Variants in NRAP observed in about 807,000 individuals in gnomAD.
NRAP encodes the protein nebulin-related-anchoring protein.
NRAP carries 189 observed loss-of-function variants against 225.9 expected under a neutral mutation model. The ratio of observed to expected loss-of-function variants is 0.84; its 90% CI spans 0.74 to 0.94. The LOEUF (loss-of-function observed/expected upper bound fraction) is 0.94. NRAP is among the 40% of genes least tolerant of loss of function. The pLI, the probability that NRAP is intolerant of heterozygous loss-of-function variation, is 0.00. For missense variants in NRAP, 2,176 were observed against 2,168.7 expected, an observed-to-expected ratio of 1.00 and a Z score of -0.07; for synonymous variants, 769 against 790.7, an observed-to-expected ratio of 0.97 and a Z score of 0.46.
intron 18 of NRAP, among the ~76,000 whole-genome samples, chr10:113,630,626 C>T (rs1397287509): frequency 6.6e-6 from 1 of 152,082 alleles, no homozygotes; most frequent in Admixed American, 6.5e-5. Context: ...TCTTTTTGAC[C>T]CCCAGCTGCT....
At chr10:113,608,830 T>C (rs1252297010) in intron 31 of NRAP, among the ~76,000 whole-genome samples, 1 of 152,204 alleles carries the variant, frequency 6.6e-6, no homozygotes, top group Non-Finnish European at 1.5e-5. Flanking sequence ...CCAGTGCTCC[T>C]CTACCTTGAT....
chr10:113,614,711 C>T (rs1185203022), intron 28 of NRAP, 128 bp downstream of exon 28: 14 of 662,676 alleles, frequency 2.1e-5, no homozygotes, highest in South Asian at 1.8e-5. Context: ...TATCTGATTG[C>T]CCTGACACAG....
At position 113,622,220 on chromosome 10, in the gene NRAP, C is replaced by T. The variant is rs747655905; in HGVS notation, c.2458-40G>A. The T allele has an allele frequency of 2.1e-6, 3 of 1,414,920 alleles. No individual in the cohort carries two copies. In the South Asian group the frequency reaches 3.7e-5, roughly 17 times the overall value. The allele number at this position is 1,414,920 out of a possible 1,614,324, so 87.6% of individuals were successfully genotyped here. A position where few individuals can be genotyped will look rare whatever the true frequency, so the allele number is the denominator to read the frequency against. On this transcript the variant is annotated intron_variant, in intron 23 of 41. Transcript: ENST00000359988. Reference sequence around the variant, plus strand: ...TAGAGCAGGGATACATTAGAACCTCCTAAAGGAATTGTTAGGCTTCAGACT... The same window carrying T: ...TAGAGCAGGGATACATTAGAACCTCTTAAAGGAATTGTTAGGCTTCAGACT...
rs552363130 is a variant in NRAP at position 113,629,782 on chromosome 10, C to A, written c.1846G>T (p.Glu616Ter). The change falls in exon 19 of 42, where the codon GAA becomes TAA. Residue 616 changes from glutamate (E) to a stop codon, truncating the protein, a stop_gained. Transcript: ENST00000359988. LOFTEE classifies it high-confidence loss of function. Reference protein sequence around the residue: ...LQIAKMSSEVEYKKGFEESKT... With the variant: ...LQIAKMSSEV ...CTCTCTTCAAAGCCTTTCTTATATT[C>A]AACCTTGAATATACCAAAACAAGGC... 6.2e-7 allele frequency: 1 copy of A among 1,610,142 alleles called. No individual in the cohort carries two copies. The highest frequency in any genetic ancestry group is 1.1e-5 in the South Asian group (1 of 90,986).
At chr10:113,645,775 G>T in intron 11 of NRAP, 50 bp downstream of exon 11, 1 of 942,158 alleles carries the variant, frequency 1.1e-6, no homozygotes. Context: ...ACTGACTATA[G>T]GAGATAAAAG....
intron 11 of NRAP, among the ~76,000 whole-genome samples, chr10:113,644,222 G>A (rs1289322046): frequency 6.7e-6 from 1 of 149,042 alleles, no homozygotes; most frequent in African/African-American, 2.5e-5. Flanking sequence ...ACTCCCAGTG[G>A]TATGGATCCA....
chr10:113,651,460 G>T (rs555017762), intron 7 of NRAP, among the ~76,000 whole-genome samples: 1 of 152,264 alleles, frequency 6.6e-6, no homozygotes, highest in Non-Finnish European at 1.5e-5. Flanking sequence ...AGCCCGGCAT[G>T]CATTAGCTAT....
chr10:113,645,945 A>G lies in NRAP; in HGVS notation c.994-4T>C, dbSNP rs769480202. 9 of 1,300,742 alleles carry G rather than the reference A, an allele frequency of 6.9e-6. No individual in the cohort carries two copies. The highest frequency in any genetic ancestry group is 2.9e-5 in the Admixed American group (1 of 34,436). The allele number at this position is 1,300,742 out of a possible 1,614,324, so 80.6% of individuals were successfully genotyped here. On this transcript the variant is annotated splice_polypyrimidine_tract_variant and splice_region_variant and intron_variant, in intron 10 of 41. Transcript: ENST00000359988. The stretch of plus-strand genomic sequence containing the variant: ...TGAAGTCCTGCCTGTATTTTATCTG[A>G]AAAAAAAAACACAAAACGGGGCTGG...
At chr10:113,635,548 C>T (rs983801733) in intron 14 of NRAP, among the ~76,000 whole-genome samples, 1 of 152,246 alleles carries the variant, frequency 6.6e-6, no homozygotes, top group African/African-American at 2.4e-5. Context: ...GCGCCTCAGC[C>T]TCCCTGGTAG....
intron 13 of NRAP, 77 bp from the exon 14 acceptor site, chr10:113,640,408 A>T: frequency 1.3e-6 from 1 of 767,762 alleles, no homozygotes; most frequent in Non-Finnish European, 2.1e-6. Flanking sequence ...TGCCATAAGA[A>T]ATATTTTTTA....
At position 113,663,342 on chromosome 10, in the gene NRAP, A is replaced by C. The variant is rs371913486; in HGVS notation, c.167+10T>G. Reference sequence around the variant, plus strand: ...CTCAAGAGGTAGTGGTGGGGGCATCAAACACTTACGCGTGACAGTACGGCT... The same window carrying C: ...CTCAAGAGGTAGTGGTGGGGGCATCCAACACTTACGCGTGACAGTACGGCT... On this transcript the variant is annotated intron_variant, in intron 2 of 41. Coordinates refer to ENST00000359988, the MANE Select transcript of NRAP (RefSeq NM_198060.4). 8.3e-6 allele frequency: 13 copies of C among 1,561,000 alleles called. No homozygotes were observed. The African/African-American group carries it at 1.6e-4, about 20-fold the overall frequency.
chr10:113,647,650 C>CT (rs1849642176), intron 9 of NRAP, among the ~76,000 whole-genome samples: 4 of 132,896 alleles, frequency 3.0e-5, no homozygotes, highest in Admixed American at 8.0e-5. Flanking sequence ...TGTCTCCCCC[C>CT]GGTGGTACTG....
Position 113,654,034 on chromosome 10 carries a change from T to C in NRAP, c.452A>G (p.Lys151Arg). ...TAGGGTGCTTACCTCACCAAGAGAC[T>C]TTCGAGCCTCAACCATCCTTACAAT... The part of the protein sequence containing the change: ...PEIVRMVEAR[K>R]SLGEEYTEDY... Residue 151 changes from lysine to arginine, a missense_variant, in exon 5 of 42, where the codon AAG (lysine) becomes AGG (arginine). Physicochemically the swap from Lys to Arg is conservative, Grantham distance 26. Transcript: ENST00000359988. The C allele has an allele frequency of 6.2e-7, 1 of 1,611,882 alleles. No homozygotes were observed. Among genetic ancestry groups the C allele is most frequent in the Non-Finnish European group, 8.5e-7 (1 of 1,178,074 alleles).
chr10:113,656,067 C>T (rs1046563493), intron 4 of NRAP, among the ~76,000 whole-genome samples: 9 of 151,702 alleles, frequency 5.9e-5, no homozygotes, highest in Non-Finnish European at 7.4e-5. Flanking sequence ...GCCTCCCTTT[C>T]GGAATTCAAG....
At chr10:113,640,165 T>C (rs1223483239) in intron 14 of NRAP, 62 bp downstream of exon 14, 1 of 903,428 alleles carries the variant, frequency 1.1e-6, no homozygotes, top group African/African-American at 1.7e-5. Context: ...TACCTACAAA[T>C]CACTCCTCAG....
chr10:113,610,748 TA>T (rs533193893), intron 30 of NRAP, among the ~76,000 whole-genome samples, 185 bp from the exon 31 acceptor site: 35 of 152,176 alleles, frequency 2.3e-4, no homozygotes, highest in Non-Finnish European at 3.1e-4. Context: ...AAATGCTCAC[TA>T]GGGGGGAAGC....
intron 20 of NRAP, among the ~76,000 whole-genome samples, chr10:113,628,346 C>A (rs952552966): frequency 6.6e-6 from 1 of 152,118 alleles, no homozygotes; most frequent in South Asian, 2.1e-4. Context: ...TGCCACCACA[C>A]CTGGCTGATT....
intron 14 of NRAP, among the ~76,000 whole-genome samples, chr10:113,637,132 A>G (rs574145478): frequency 7.9e-5 from 12 of 151,856 alleles, no homozygotes; most frequent in African/African-American, 1.5e-4. Context: ...TATTCATTTC[A>G]TTTTTGCCTG....
rs1222943289 is a variant in NRAP, at chr10:113,610,552, C to T, written c.3510G>A (p.Arg1170=). The change falls in exon 31 of 42, where the codon CGG becomes CGA. Residue 1170 remains arginine (R), a synonymous_variant. Transcript: ENST00000359988. ...AHKLQSENLY[R]SDLNFMRGVA... ...CACCTCGCATAAAGTTCAGGTCTGACCGGTACAAATTCTAGAAGAAATAAT... is the reference window on the plus strand; with the variant it reads ...CACCTCGCATAAAGTTCAGGTCTGATCGGTACAAATTCTAGAAGAAATAAT... 2 of 1,588,814 alleles carry T rather than the reference C, an allele frequency of 1.3e-6. No homozygotes were observed. The highest frequency in any genetic ancestry group is 3.3e-5 in the Admixed American group (2 of 59,936).
Sources: allele counts gnomAD v4.1 joint callset (sites outside exome capture counted in the v4.1 genomes callset), GRCh38; gene constraint gnomAD v4.1.1; transcripts MANE v1.5; gene names NCBI Gene and HGNC (gene_info 2026-07-23, HGNC 2026-07-21).